The following IFNLR1 variants were observed in gnomAD, a reference collection of about 807,000 sequenced individuals.
IFNLR1 encodes the protein interferon lambda receptor 1.
Under a neutral mutation model 52.5 loss-of-function variants are expected in IFNLR1, and 28 were observed. The observed-to-expected ratio is 0.53, with a 90% CI of 0.40 to 0.73. The LOEUF (loss-of-function observed/expected upper bound fraction) is 0.73. Among genes scored for constraint, IFNLR1 ranks in the 30% least tolerant of loss-of-function variants. The pLI, the probability that IFNLR1 is intolerant of heterozygous loss-of-function variation, is 0.00. For missense variants in IFNLR1, 623 were observed against 659.1 expected, an observed-to-expected ratio of 0.95 and a Z score of 0.60; for synonymous variants, 276 against 274.9, an observed-to-expected ratio of 1.00 and a Z score of -0.04.
chr1:24,170,240 C>T (rs1644565934), intron 2 of IFNLR1, among the ~76,000 whole-genome samples: 1 of 152,166 alleles, frequency 6.6e-6, no homozygotes, highest in Non-Finnish European at 1.5e-5. Context: ...AAGGAAATTG[C>T]TATTATTTAT....
At chr1:24,163,334 C>T (rs1264467569) in intron 3 of IFNLR1, among the ~76,000 whole-genome samples, 4 of 152,126 alleles carry the variant, frequency 2.6e-5, no homozygotes, top group Admixed American at 1.3e-4. Context: ...TTCTTAAGGA[C>T]TAAATCACCT....
intron 3 of IFNLR1, among the ~76,000 whole-genome samples, chr1:24,166,942 T>C (rs866957467): frequency 1.3e-5 from 2 of 152,156 alleles, no homozygotes; most frequent in South Asian, 4.1e-4. Flanking sequence ...CAGTAAAACA[T>C]TATTTCTGGG....
At chr1:24,171,033 C>T (rs1644573401) in intron 2 of IFNLR1, among the ~76,000 whole-genome samples, 1 of 152,150 alleles carries the variant, frequency 6.6e-6, no homozygotes, top group African/African-American at 2.4e-5. Context: ...ATACAGACTT[C>T]CAAGTCCAAA....
Position 24,157,196 on chromosome 1 carries a change from C to G in IFNLR1, c.1497G>C (p.Trp499Cys). Reference protein sequence around the residue: ...SEIEDSDAGSWGAESTQRTED... With the variant: ...SEIEDSDAGSCGAESTQRTED... The stretch of plus-strand genomic sequence containing the variant: ...CGGTCCTCTGGGTGCTCTCAGCCCC[C>G]CAGCTGCCCGCATCGCTGTCCTCAA... Residue 499 changes from tryptophan to cysteine, a missense_variant, in exon 7 of 7, where the codon TGG becomes TGC. By Grantham distance (215) the Trp-to-Cys change is radical (BLOSUM62 -2). Transcript: ENST00000327535. The surrounding 1 kb of genome is among the most constrained non-coding windows in gnomAD (Gnocchi z 5.1). 1 of 1,614,152 alleles carries G rather than the reference C, an allele frequency of 6.2e-7. No homozygotes were observed. The highest frequency in any genetic ancestry group is 1.1e-5 in the South Asian group (1 of 91,088).
At chr1:24,185,092 G>A (rs953498203) in intron 1 of IFNLR1, among the ~76,000 whole-genome samples, 1 of 152,088 alleles carries the variant, frequency 6.6e-6, no homozygotes, top group Non-Finnish European at 1.5e-5. Flanking sequence ...CAGGTTCTGT[G>A]CTAAACAGTT....
At chr1:24,186,728 C>T (rs1644742856) in intron 1 of IFNLR1, among the ~76,000 whole-genome samples, 1 of 152,062 alleles carries the variant, frequency 6.6e-6, no homozygotes, top group African/African-American at 2.4e-5. Context: ...AAAAGAAAGC[C>T]GTCTTGTTAG....
intron 2 of IFNLR1, among the ~76,000 whole-genome samples, chr1:24,179,546 T>G (rs1382085096): frequency 6.6e-6 from 1 of 152,216 alleles, no homozygotes; most frequent in Non-Finnish European, 1.5e-5. Context: ...CACATGTGGA[T>G]TCCACACATG....
chr1:24,161,450 G>A (rs1437848470), intron 4 of IFNLR1, 92 bp downstream of exon 4: 1 of 1,411,088 alleles, frequency 7.1e-7, no homozygotes, highest in Non-Finnish European at 9.8e-7. Flanking sequence ...CTGGAGGAGG[G>A]GTGCAGGAGC....
intron 4 of IFNLR1, 134 bp downstream of exon 4, chr1:24,161,408 G>A (rs1644441453): frequency 1.0e-6 from 1 of 957,076 alleles, no homozygotes. Flanking sequence ...AGGGCTGACT[G>A]CCAGAAGTCA....
In IFNLR1 at chr1:24,180,825, C is replaced by A. The variant is rs1307796713; in HGVS notation, c.88G>T (p.Val30Leu). 1.2e-6 allele frequency: 2 copies of A among 1,613,948 alleles called. No individual in the cohort carries two copies. ...GRPRLAPPQN[V>L]TLLSQNFSVY... ...CTGAAGTTCTGGGAGAGCAGCGTCA[C>A]ATTCTGGGGAGGGGCCAGACGGGGC... The change falls in exon 2 of 7, where the codon GTG becomes TTG. Residue 30 changes from valine (V) to leucine (L), a missense_variant. Val to Leu is a conservative substitution (Grantham distance 32, BLOSUM62 1). Coordinates refer to ENST00000327535, the MANE Select transcript of IFNLR1 (RefSeq NM_170743.4).
intron 3 of IFNLR1, 95 bp from the exon 4 acceptor site, chr1:24,161,779 A>G: frequency 1.6e-6 from 2 of 1,268,388 alleles, no homozygotes; most frequent in Middle Eastern, 2.8e-4. Flanking sequence ...TGGAAAAGCA[A>G]CTAGCATGTT....
At chr1:24,164,761 T>C (rs892594660) in intron 3 of IFNLR1, among the ~76,000 whole-genome samples, 4 of 73,620 alleles carry the variant, frequency 5.4e-5, no homozygotes, top group Non-Finnish European at 1.1e-4. Flanking sequence ...AGCAATCTCT[T>C]TTTTTTTTTT....
intron 4 of IFNLR1, 73 bp from the exon 5 acceptor site, chr1:24,159,706 G>A: frequency 2.2e-6 from 3 of 1,386,280 alleles, no homozygotes; most frequent in Non-Finnish European, 3.0e-6. Flanking sequence ...ACAGAGTGGG[G>A]TTGGCAGACA....
chr1:24,183,150 T>C (rs1034780049), intron 1 of IFNLR1, among the ~76,000 whole-genome samples: 9 of 152,158 alleles, frequency 5.9e-5, no homozygotes, highest in Non-Finnish European at 1.3e-4. Context: ...TATACTAAAA[T>C]TCATGAGCCC....
intron 3 of IFNLR1, among the ~76,000 whole-genome samples, chr1:24,162,733 T>C (rs1410935540): frequency 6.3e-5 from 1 of 15,792 alleles, no homozygotes; most frequent in Non-Finnish European, 1.2e-4. Flanking sequence ...CTTTTCTTTC[T>C]TTCTTTCTTT....
chr1:24,162,832 TTTCTTTC>T (rs1644469664), intron 3 of IFNLR1, among the ~76,000 whole-genome samples: 1 of 13,922 alleles, frequency 7.2e-5, no homozygotes, highest in African/African-American at 2.9e-4. Flanking sequence ...CTTTCTTTCT[TTTCTTTC>T]TTTCTTTCTT....
At chr1:24,167,547 G>A (rs1279405941) in intron 3 of IFNLR1, among the ~76,000 whole-genome samples, 1 of 151,622 alleles carries the variant, frequency 6.6e-6, no homozygotes, top group African/African-American at 2.4e-5. Context: ...ACCACACACG[G>A]GTAACTTTTG....
intron 2 of IFNLR1, among the ~76,000 whole-genome samples, chr1:24,172,450 C>A (rs374674693): frequency 6.6e-6 from 1 of 151,876 alleles, no homozygotes. Flanking sequence ...AAAACTCAGA[C>A]ACAGAAAAGA....
intron 6 of IFNLR1, 39 bp downstream of exon 6, chr1:24,159,013 C>A: frequency 1.9e-6 from 3 of 1,604,026 alleles, no homozygotes; most frequent in Non-Finnish European, 2.6e-6. Flanking sequence ...TTACTCTCAA[C>A]CCCTCCCCAC....
Sources: allele counts gnomAD v4.1 joint callset (sites outside exome capture counted in the v4.1 genomes callset), GRCh38; gene constraint gnomAD v4.1.1; non-coding constraint Gnocchi (gnomAD v3.1); transcripts MANE v1.5; gene names NCBI Gene and HGNC (gene_info 2026-07-23, HGNC 2026-07-21).